Variants in HHIP observed in about 807,000 individuals in gnomAD.
The protein encoded by HHIP is hedgehog interacting protein, also known as hedgehog-interacting protein.
HHIP carries 12 observed loss-of-function variants against 74.0 expected under a neutral mutation model. The observed-to-expected ratio is 0.16, with a 90% CI of 0.10 to 0.26. The LOEUF is 0.26. HHIP is among the 10% of genes least tolerant of loss of function. The pLI is 1.00. For missense variants in HHIP, 788 were observed against 845.0 expected, an observed-to-expected ratio of 0.93 and a Z score of 0.84; for synonymous variants, 309 against 311.6, an observed-to-expected ratio of 0.99 and a Z score of 0.09.
Position 144,658,889 on chromosome 4 carries a change from C to A in HHIP, c.572C>A (p.Pro191Gln), listed in dbSNP as rs200001043. 1 of 1,613,328 alleles carries A rather than the reference C, an allele frequency of 6.2e-7. No homozygotes were observed. The highest frequency in any genetic ancestry group is 8.5e-7 in the Non-Finnish European group (1 of 1,179,462). ...PDFPRKQVRG[P>Q]ASNYLDQMEE... is the part of the protein sequence containing the mutation. ...TTTCCAAGAAAACAAGTCAGAGGAC[C>A]AGCATCTAACTACTTGGACCAGATG... The change falls in exon 3 of 13, where the codon CCA becomes CAA. Residue 191 changes from proline to glutamine, a missense_variant. Pro to Gln is a moderately conservative substitution (Grantham distance 76). Transcript: ENST00000296575.
chr4:144,721,131 A>C (rs904005441), intron 11 of HHIP, among the ~76,000 whole-genome samples: 1 of 152,238 alleles, frequency 6.6e-6, no homozygotes, highest in African/African-American at 2.4e-5. Context: ...TTGCTAGAAT[A>C]ATGTTTTCAG....
At chr4:144,671,215 C>T (rs967369489) in intron 4 of HHIP, among the ~76,000 whole-genome samples, 4 of 152,120 alleles carry the variant, frequency 2.6e-5, no homozygotes, top group Non-Finnish European at 5.9e-5. Flanking sequence ...GTTGATCACG[C>T]TTGCTGCACC....
chr4:144,658,886 G>C lies in HHIP; in HGVS notation c.569G>C (p.Gly190Ala), dbSNP rs149139999. 30 of 1,613,472 alleles carry C rather than the reference G, an allele frequency of 1.9e-5. No individual in the cohort carries two copies. The African/African-American group carries it at 3.9e-4, about 21-fold the overall frequency. ...FPDFPRKQVR[G>A]PASNYLDQME... ...GATTTTCCAAGAAAACAAGTCAGAG[G>C]ACCAGCATCTAACTACTTGGACCAG... The change falls in exon 3 of 13, where the codon GGA (glycine) becomes GCA (alanine). Residue 190 changes from glycine to alanine, a missense_variant. Gly to Ala is a moderately conservative substitution (Grantham distance 60, BLOSUM62 0). This residue lies in a region of HHIP where 373 missense variants were observed against 366.4 expected (regional missense o/e 1.02). Coordinates refer to ENST00000296575, the MANE Select transcript of HHIP (RefSeq NM_022475.3).
intron 4 of HHIP, among the ~76,000 whole-genome samples, chr4:144,671,201 TG>T (rs1323430343): frequency 6.6e-6 from 1 of 152,210 alleles, no homozygotes; most frequent in Non-Finnish European, 1.5e-5. Flanking sequence ...TATATCACCC[TG>T]GGGTTGATCA....
intron 8 of HHIP, among the ~76,000 whole-genome samples, chr4:144,713,221 AG>A (rs1279815838): frequency 6.6e-6 from 1 of 152,126 alleles, no homozygotes; most frequent in Non-Finnish European, 1.5e-5. Context: ...GAGGAAACTG[AG>A]GCACAGAAAG....
chr4:144,647,936 T>A (rs1246716202), intron 1 of HHIP, among the ~76,000 whole-genome samples: 1 of 151,970 alleles, frequency 6.6e-6, no homozygotes, highest in Admixed American at 6.6e-5. Flanking sequence ...GTTGTCAAGG[T>A]CTGAGAGACT....
Position 144,737,831 on chromosome 4 carries a change from AG to A in HHIP, c.1979del (p.Gly660AspfsTer17). 4 of 1,613,940 alleles carry A rather than the reference AG, an allele frequency of 2.5e-6. No homozygotes were observed. The highest frequency in any genetic ancestry group is 3.4e-6 in the Non-Finnish European group (4 of 1,179,844). On this transcript the variant is annotated frameshift_variant, in exon 13 of 13. Transcript: ENST00000296575. LOFTEE classifies it high-confidence loss of function. ...VRPNKCLCKK[G>X]YLGPQCEQVD... Reference sequence around the variant, plus strand: ...GACCGAACAAGTGCCTCTGTAAAAAAGGATATCTTGGTCCTCAATGTGAACA... The same window carrying A: ...GACCGAACAAGTGCCTCTGTAAAAAAGATATCTTGGTCCTCAATGTGAACA...
intron 1 of HHIP, 54 bp from the exon 2 acceptor site, chr4:144,652,551 C>A: frequency 9.1e-7 from 1 of 1,093,594 alleles, no homozygotes; most frequent in Non-Finnish European, 1.4e-6. Flanking sequence ...ATAATAATAG[C>A]TAAACCTAAA....
rs183639319 is a variant in HHIP at position 144,739,542 on chromosome 4, T to A, written c.*1585T>A. The A allele has an allele frequency of 6.6e-6, 1 of 152,320 alleles. No individual in the cohort carries two copies. Among genetic ancestry groups the A allele is most frequent in the Admixed American group, 6.5e-5 (1 of 15,300 alleles). The allele number at this position is 152,320 out of a possible 1,614,324, so 9.4% of individuals were successfully genotyped here. On this transcript the variant is annotated 3_prime_UTR_variant, in exon 13 of 13. Coordinates refer to ENST00000296575, the MANE Select transcript of HHIP (RefSeq NM_022475.3). ...TTGTTTTAAGGTGAGAGATTTGCAA[T>A]TAAAGCCCAGTAAGCATTTATATAG... is the stretch of plus-strand genomic sequence containing the variant.
intron 10 of HHIP, among the ~76,000 whole-genome samples, chr4:144,718,476 TAAG>T (rs1039319458): frequency 2.6e-5 from 4 of 152,134 alleles, no homozygotes; most frequent in African/African-American, 9.7e-5. Context: ...CTGGATGAGA[TAAG>T]AAGCTATTGC....
chr4:144,707,653 A>AAAAAAAAAAAAAG (rs1414901796), intron 6 of HHIP, among the ~76,000 whole-genome samples: 1 of 150,940 alleles, frequency 6.6e-6, no homozygotes, highest in East Asian at 1.9e-4. Flanking sequence ...AGGCAAAAAA[A>AAAAAAAAAAAAAG]AAAAAGCAGT....
chr4:144,690,180 T>A (rs1160649119), intron 4 of HHIP, among the ~76,000 whole-genome samples: 7 of 152,128 alleles, frequency 4.6e-5, no homozygotes, highest in Admixed American at 4.6e-4. Context: ...GAAATTGAGG[T>A]ATAGGTCTTA....
Position 144,646,531 on chromosome 4 carries a change from A to G in HHIP, c.-145A>G. Reference sequence around the variant, plus strand: ...TTTGCAAAGTTGCATCGCTGTACATATTTTTGTCCCCGCCACCTCCCTCTG... The same window carrying G: ...TTTGCAAAGTTGCATCGCTGTACATGTTTTTGTCCCCGCCACCTCCCTCTG... On this transcript the variant is annotated 5_prime_UTR_variant, in exon 1 of 13. The change creates a new upstream start codon in the 5' untranslated region. Coordinates refer to ENST00000296575, the MANE Select transcript of HHIP (RefSeq NM_022475.3). 1 of 746,584 alleles carries G rather than the reference A, an allele frequency of 1.3e-6. No individual in the cohort carries two copies. Among genetic ancestry groups the G allele is most frequent in the Non-Finnish European group, 2.2e-6 (1 of 458,924 alleles). 46.2% of individuals were successfully genotyped at this position (746,584 alleles called of 1,614,324 possible).
intron 11 of HHIP, among the ~76,000 whole-genome samples, chr4:144,728,649 A>G (rs1170686207): frequency 6.6e-6 from 1 of 152,196 alleles, no homozygotes; most frequent in Admixed American, 6.5e-5. Context: ...CCTTAAAAAT[A>G]AAATGAAAGC....
At chr4:144,671,226 A>G (rs75226956) in intron 4 of HHIP, among the ~76,000 whole-genome samples, 1,546 of 152,210 alleles carry the variant, frequency 0.01, 29 homozygotes, top group African/African-American at 0.035. Flanking sequence ...TTGCTGCACC[A>G]AAATGCTTTA....
chr4:144,709,039 G>A (rs745797208), intron 7 of HHIP, among the ~76,000 whole-genome samples: 5 of 152,246 alleles, frequency 3.3e-5, no homozygotes, highest in South Asian at 2.1e-4. Flanking sequence ...TTTCAGTAAC[G>A]AAAGCTTCAT....
At chr4:144,709,504 C>T (rs1315525846) in intron 7 of HHIP, among the ~76,000 whole-genome samples, 1 of 152,196 alleles carries the variant, frequency 6.6e-6, no homozygotes, top group African/African-American at 2.4e-5. Flanking sequence ...GGCAAGATGC[C>T]TGTGCTGCGG....
intron 4 of HHIP, among the ~76,000 whole-genome samples, chr4:144,702,869 C>T (rs987843465): frequency 1.3e-5 from 2 of 152,136 alleles, no homozygotes; most frequent in Non-Finnish European, 2.9e-5. Context: ...CAAATCACTG[C>T]TTTTCACATG....
chr4:144,685,335 T>A (rs1216886985), intron 4 of HHIP, among the ~76,000 whole-genome samples: 1 of 152,224 alleles, frequency 6.6e-6, no homozygotes, highest in African/African-American at 2.4e-5. Context: ...AGACCAGAAC[T>A]ATGTTCAGAA....
Sources: gnomAD v4.1 joint callset for allele counts (sites outside exome capture counted in the v4.1 genomes callset) on GRCh38, gnomAD v4.1.1 for gene constraint, gnomAD v4.1.1 regional missense constraint, MANE v1.5 for transcripts, NCBI Gene and HGNC (gene_info 2026-07-23, HGNC 2026-07-21) for gene names.